Variants in SYNDIG1 observed in about 807,000 individuals in gnomAD.
The protein encoded by SYNDIG1 is synapse differentiation inducing 1.
Under a neutral mutation model 19.4 loss-of-function variants are expected in SYNDIG1, and 9 were observed. That is an observed-to-expected ratio of 0.46 (90% CI 0.28 to 0.81). The LOEUF is 0.81. Ranked by LOEUF, SYNDIG1 falls within the 30% of genes least tolerant of loss-of-function variation. The pLI, the probability that SYNDIG1 is intolerant of heterozygous loss-of-function variation, is 0.12. For synonymous variants in SYNDIG1, 141 were observed against 145.9 expected (o/e 0.97, Z 0.24); for missense variants, 311 against 343.3 (o/e 0.91, Z 0.74).
Position 24,641,821 on chromosome 20 carries a change from T to C in SYNDIG1, c.619-23525T>C, listed in dbSNP as rs146967669. ...GTCCCATGCCACGCCCTGATGTTTT[T>C]AAAGTCAACTTTTTATTTTAGAATG... On this transcript the variant is annotated intron_variant, in intron 3 of 3. Coordinates refer to ENST00000376862, the MANE Select transcript of SYNDIG1 (RefSeq NM_024893.3). Among the ~76,000 whole-genome samples the C allele has an allele frequency of 4.3e-4, 66 of 152,312 alleles. No homozygotes were observed. In the East Asian group the frequency reaches 0.013, roughly 29 times the overall value.
intron 1 of SYNDIG1, among the ~76,000 whole-genome samples, chr20:24,512,217 G>A (rs1464190827): frequency 1.4e-5 from 2 of 147,228 alleles, no homozygotes; most frequent in Admixed American, 6.8e-5. Flanking sequence ...CGTGAGCGAT[G>A]AAGAAGATGG....
intron 2 of SYNDIG1, among the ~76,000 whole-genome samples, chr20:24,562,445 A>C (rs2057964655): frequency 1.3e-5 from 2 of 152,244 alleles, no homozygotes; most frequent in South Asian, 4.1e-4. Flanking sequence ...AAAATATAAT[A>C]ACTCATTTAA....
chr20:24,533,048 T>C (rs951539955), intron 1 of SYNDIG1, among the ~76,000 whole-genome samples: 1 of 151,772 alleles, frequency 6.6e-6, no homozygotes, highest in African/African-American at 2.4e-5. Context: ...AGAGAATCCG[T>C]CTTTTAGGGG....
In SYNDIG1 at chr20:24,543,147, G is replaced by A. The variant is rs149836800; in HGVS notation, c.50G>A (p.Ser17Asn). 4.0e-4 allele frequency: 649 copies of A among 1,614,176 alleles called. 2 individuals carry two copies. The African/African-American group carries it at 7.7e-3, about 19-fold the overall frequency. The change falls in exon 2 of 4, where the codon AGT (serine) becomes AAT (asparagine). Residue 17 changes from serine (S) to asparagine (N), a missense_variant. Transcript: ENST00000376862. The stretch of plus-strand genomic sequence containing the variant: ...AGCATGCTGGTGCACAGTAAAATCA[G>A]TGATGCTGGCAAGAGGAATGGTTTA... ...QKSMLVHSKI[S>N]DAGKRNGLIN...
intron 1 of SYNDIG1, among the ~76,000 whole-genome samples, chr20:24,518,142 T>C (rs1055537609): frequency 1.3e-5 from 2 of 152,034 alleles, no homozygotes; most frequent in African/African-American, 4.8e-5. Context: ...AACACACTTA[T>C]AGTCAAATGA....
At chr20:24,489,707 C>G (rs1164170324) in intron 1 of SYNDIG1, among the ~76,000 whole-genome samples, 1 of 152,240 alleles carries the variant, frequency 6.6e-6, no homozygotes, top group East Asian at 1.9e-4. Context: ...ATAACCTGAA[C>G]AGTAACCTCC....
chr20:24,543,716 G>T (rs1282576123), intron 2 of SYNDIG1, 139 bp downstream of exon 2: 1 of 1,216,140 alleles, frequency 8.2e-7, no homozygotes, highest in African/African-American at 1.5e-5. Context: ...CAGTCTTGGT[G>T]CCCTTCACTC....
rs140755891 is a variant in SYNDIG1, at chr20:24,571,455, C to T, written c.481-13401C>T. On this transcript the variant is annotated intron_variant, in intron 2 of 3. Coordinates refer to ENST00000376862, the MANE Select transcript of SYNDIG1 (RefSeq NM_024893.3). ...CTATTTTTGAAAATTTTATGTAAGT[C>T]CAAAATTATTTCAAAGTGCATATAT... Among the ~76,000 whole-genome samples the T allele has an allele frequency of 2.6e-3, 400 of 151,916 alleles. 3 individuals carry two copies. The highest frequency in any genetic ancestry group is 9.3e-3 in the African/African-American group (385 of 41,456).
At chr20:24,584,303 G>A (rs762518761) in intron 2 of SYNDIG1, among the ~76,000 whole-genome samples, 17 of 152,226 alleles carry the variant, frequency 1.1e-4, no homozygotes, top group Non-Finnish European at 2.2e-4. Flanking sequence ...GAGATTCAGG[G>A]GACAATGTCC....
At chr20:24,659,032 AC>A (rs1208094297) in intron 3 of SYNDIG1, among the ~76,000 whole-genome samples, 2 of 148,426 alleles carry the variant, frequency 1.3e-5, no homozygotes, top group South Asian at 2.2e-4. Flanking sequence ...AACTCCTCTC[AC>A]CCCCCTCCTT....
At chr20:24,628,024 G>T (rs1473053393) in intron 3 of SYNDIG1, among the ~76,000 whole-genome samples, 2 of 152,186 alleles carry the variant, frequency 1.3e-5, no homozygotes, top group Non-Finnish European at 2.9e-5. Flanking sequence ...ATCTTTGATT[G>T]TTCGTACTTA....
intron 3 of SYNDIG1, among the ~76,000 whole-genome samples, chr20:24,600,811 C>T (rs146918544): frequency 0.03 from 4,576 of 152,138 alleles, 146 homozygotes; most frequent in African/African-American, 0.082. Context: ...GACGGAGTTT[C>T]ACCATGTTGG....
At chr20:24,533,899 C>T (rs1229666596) in intron 1 of SYNDIG1, among the ~76,000 whole-genome samples, 1 of 152,148 alleles carries the variant, frequency 6.6e-6, no homozygotes, top group Non-Finnish European at 1.5e-5. Flanking sequence ...TTCACCTAAG[C>T]CTGGATGGTT....
At chr20:24,570,866 A>C (rs563819118) in intron 2 of SYNDIG1, among the ~76,000 whole-genome samples, 2 of 152,372 alleles carry the variant, frequency 1.3e-5, no homozygotes, top group East Asian at 3.9e-4. Flanking sequence ...ATAACTCATA[A>C]TTGGAAAAGC....
chr20:24,582,018 C>T (rs1319936893), intron 2 of SYNDIG1, among the ~76,000 whole-genome samples: 1 of 134,622 alleles, frequency 7.4e-6, no homozygotes, highest in African/African-American at 2.8e-5. Flanking sequence ...CCACCCCCTG[C>T]ATGTCCTCCC....
At chr20:24,560,295 C>A (rs185518033) in intron 2 of SYNDIG1, among the ~76,000 whole-genome samples, 86 of 151,854 alleles carry the variant, frequency 5.7e-4, no homozygotes, top group Middle Eastern at 3.4e-3. Flanking sequence ...GGACTCTCCT[C>A]TCCTTTTCAA....
In SYNDIG1 at chr20:24,558,467, G is replaced by A. The variant is rs150760035; in HGVS notation, c.480+14890G>A. On this transcript the variant is annotated intron_variant, in intron 2 of 3. Transcript: ENST00000376862. The stretch of plus-strand genomic sequence containing the variant: ...AGGGACATACCTGAATCACATTTTC[G>A]AAATTTAGCCTTACAATCTCTGTCT... 8.2e-4 allele frequency among the ~76,000 whole-genome samples: 124 copies of A among 152,136 alleles called. 1 individual carries two copies. The East Asian group carries it at 0.022, about 27-fold the overall frequency.
intron 2 of SYNDIG1, 93 bp downstream of exon 2, chr20:24,543,670 A>C (rs1247466712): frequency 6.6e-7 from 1 of 1,516,808 alleles, no homozygotes; most frequent in African/African-American, 1.4e-5. Context: ...AAAGTTAGGG[A>C]ATGAAACTAG....
intron 2 of SYNDIG1, among the ~76,000 whole-genome samples, chr20:24,556,257 C>A (rs2057814718): frequency 6.6e-6 from 1 of 152,142 alleles, no homozygotes. Flanking sequence ...GACTCTTTAT[C>A]CAATTTGCCA....
Sources: allele counts gnomAD v4.1 joint callset (sites outside exome capture counted in the v4.1 genomes callset), GRCh38; gene constraint gnomAD v4.1.1; transcripts MANE v1.5; gene names NCBI Gene and HGNC (gene_info 2026-07-23, HGNC 2026-07-21).